ATXN8OS: variants seen among roughly 807,000 people sequenced by gnomAD.
The protein encoded by ATXN8OS is ATXN8 opposite strand (non-protein coding).
intron 1 of ATXN8OS, among the ~76,000 whole-genome samples, chr13:70,110,747 A>G (rs1888189359): frequency 6.6e-6 from 1 of 152,130 alleles, no homozygotes; most frequent in South Asian, 2.1e-4. Flanking sequence ...ACTTTGATTG[A>G]TCACTTAGGT....
chr13:70,156,591 T>C (rs1440065731), intron 4 of ATXN8OS, among the ~76,000 whole-genome samples: 1 of 152,120 alleles, frequency 6.6e-6, no homozygotes, highest in Non-Finnish European at 1.5e-5. Flanking sequence ...GTATTAATCA[T>C]TCACAACACG....
intron 1 of ATXN8OS, among the ~76,000 whole-genome samples, chr13:70,108,948 C>T (rs1002575795): frequency 3.3e-5 from 5 of 152,128 alleles, no homozygotes; most frequent in African/African-American, 1.2e-4. Flanking sequence ...CAGAGGCGTA[C>T]GGTAGAAATT....
At chr13:70,155,148 A>G (rs1050979592) in intron 4 of ATXN8OS, among the ~76,000 whole-genome samples, 2 of 152,172 alleles carry the variant, frequency 1.3e-5, no homozygotes, top group African/African-American at 2.4e-5. Context: ...GTCCTCCTGA[A>G]TCCTGCAACA....
At chr13:70,145,322 T>G (rs1888767220) in intron 3 of ATXN8OS, among the ~76,000 whole-genome samples, 1 of 152,018 alleles carries the variant, frequency 6.6e-6, no homozygotes, top group South Asian at 2.1e-4. Context: ...TAGGATTGAC[T>G]TGGTGATACG....
At chr13:70,162,477 G>A (rs1213642505) in intron 4 of ATXN8OS, among the ~76,000 whole-genome samples, 3 of 152,004 alleles carry the variant, frequency 2.0e-5, no homozygotes, top group Non-Finnish European at 2.9e-5. Flanking sequence ...AGGCTCTTCT[G>A]TTTGTGCAAC....
chr13:70,165,415 GAATA>G (rs1270017485), intron 4 of ATXN8OS, among the ~76,000 whole-genome samples: 13 of 151,508 alleles, frequency 8.6e-5, no homozygotes, highest in Non-Finnish European at 1.3e-4. Context: ...GAAGAGAAAA[GAATA>G]AATAAAAATA....
upstream of ATXN8OS, chr13:70,107,715 G>A (rs148367063): frequency 5.6e-5 from 85 of 1,507,464 alleles, no homozygotes; most frequent in Non-Finnish European, 7.2e-5. Context: ...ACGCACAGAA[G>A]GCAAAAGGCT....
intron 4 of ATXN8OS, among the ~76,000 whole-genome samples, chr13:70,154,838 AACT>A: frequency 6.6e-6 from 1 of 152,376 alleles, no homozygotes; most frequent in South Asian, 2.1e-4. Context: ...AGTAGGCCTG[AACT>A]ACAGCTGCCT....
upstream of ATXN8OS, chr13:70,107,424 C>G (rs368319446): frequency 1.2e-5 from 19 of 1,611,720 alleles, no homozygotes; most frequent in Non-Finnish European, 1.5e-5. Flanking sequence ...GGGTGCCATT[C>G]AGCGGATTGA....
chr13:70,125,154 T>C (rs917180445), intron 2 of ATXN8OS, among the ~76,000 whole-genome samples: 2 of 152,192 alleles, frequency 1.3e-5, no homozygotes, highest in African/African-American at 4.8e-5. Context: ...AAAAATCTTT[T>C]CTGTAACTCA....
intron 3 of ATXN8OS, among the ~76,000 whole-genome samples, chr13:70,145,070 T>G (rs947310904): frequency 5.3e-5 from 8 of 152,164 alleles, no homozygotes; most frequent in East Asian, 1.9e-4. Flanking sequence ...TCTACATATG[T>G]CTAGACAGTT....
intron 4 of ATXN8OS, among the ~76,000 whole-genome samples, chr13:70,150,235 A>G (rs1888843750): frequency 6.6e-6 from 1 of 152,110 alleles, no homozygotes; most frequent in Non-Finnish European, 1.5e-5. Flanking sequence ...AAGGGCTAAG[A>G]CTACCATGAT....
chr13:70,160,717 A>G lies in ATXN8OS; in HGVS notation n.574-9036A>G, dbSNP rs1273914269. Reference sequence around the variant, plus strand: ...ATTTAACTGAATTCTAGAAAGCTGAATTATATATATATTTATATAATTTTT... The same window carrying G: ...ATTTAACTGAATTCTAGAAAGCTGAGTTATATATATATTTATATAATTTTT... On this transcript the variant is annotated intron_variant and non_coding_transcript_variant, in intron 4 of 4. Coordinates refer to ENST00000678624, the Ensembl canonical transcript of ATXN8OS. 4.2e-4 allele frequency among the ~76,000 whole-genome samples: 7 copies of G among 16,472 alleles called. 2 individuals are homozygous for G. Among genetic ancestry groups the G allele is most frequent in the African/African-American group, 7.6e-4 (7 of 9,186 alleles). The allele number at this position is 16,472 out of a possible 152,430, so 10.8% of individuals were successfully genotyped here.
chr13:70,121,864 T>C (rs1174492289), intron 2 of ATXN8OS, among the ~76,000 whole-genome samples: 2 of 152,042 alleles, frequency 1.3e-5, no homozygotes, highest in African/African-American at 2.4e-5. Context: ...GAATGTTATG[T>C]GCAATTAATC....
intron 3 of ATXN8OS, among the ~76,000 whole-genome samples, chr13:70,130,061 G>T (rs945276240): frequency 2.0e-5 from 3 of 151,862 alleles, no homozygotes; most frequent in Admixed American, 2.0e-4. Flanking sequence ...TAAGTGCATG[G>T]ACCATGGACT....
rs1231071099 is a variant in ATXN8OS, at chr13:70,108,072, C to T, written n.240+53C>T. 1.3e-4 allele frequency: 54 copies of T among 414,450 alleles called. No individual in the cohort carries two copies. In the East Asian group the frequency reaches 1.8e-3, roughly 13 times the overall value. 25.7% of individuals were successfully genotyped at this position (414,450 alleles called of 1,614,324 possible). A position where few individuals can be genotyped will look rare whatever the true frequency, so the allele number is the denominator to read the frequency against. ...GCGAGGGAGGGAGGTCTGAGCGCTC[C>T]GAAGCTCCGGAGGCGGCTGCAGCTG... On this transcript the variant is annotated intron_variant and non_coding_transcript_variant, in intron 1 of 4. Coordinates refer to ENST00000678624, the Ensembl canonical transcript of ATXN8OS.
intron 3 of ATXN8OS, among the ~76,000 whole-genome samples, chr13:70,130,140 T>C (rs1382489065): frequency 2.0e-5 from 3 of 152,140 alleles, no homozygotes; most frequent in East Asian, 1.9e-4. Flanking sequence ...TGAAAGAAAA[T>C]GCCATTCTTA....
intron 4 of ATXN8OS, among the ~76,000 whole-genome samples, chr13:70,167,770 C>T (rs1815315829): frequency 8.2e-6 from 1 of 122,088 alleles, no homozygotes; most frequent in Non-Finnish European, 1.6e-5. Context: ...GAGTCTCGCT[C>T]TGTTGCCCAG....
intron 4 of ATXN8OS, among the ~76,000 whole-genome samples, chr13:70,153,556 C>G (rs1460053744): frequency 1.3e-5 from 2 of 152,104 alleles, no homozygotes; most frequent in Non-Finnish European, 2.9e-5. Context: ...GCCCGGGCAA[C>G]AGTGAGAGAC....
Sources: allele counts gnomAD v4.1 joint callset (sites outside exome capture counted in the v4.1 genomes callset), GRCh38; gene constraint gnomAD v4.1.1; transcripts MANE v1.5; gene names NCBI Gene and HGNC (gene_info 2026-07-23, HGNC 2026-07-21).